Variants in LAMA2 observed in about 807,000 individuals in gnomAD.
The protein encoded by LAMA2 is laminin subunit alpha 2.
LAMA2 carries 269 observed loss-of-function variants against 364.8 expected under a neutral mutation model. The ratio of observed to expected loss-of-function variants is 0.74; its 90% CI spans 0.67 to 0.82. LAMA2 has a LOEUF of 0.82. Among genes scored for constraint, LAMA2 ranks in the 40% least tolerant of loss-of-function variants. LAMA2 has a pLI of 0.00. For missense variants in LAMA2, 3,807 were observed against 3,873.2 expected (o/e 0.98, Z 0.45); for synonymous variants, 1,379 against 1,370.6 (o/e 1.01, Z -0.14).
chr6:129,292,886 T>A, intron 20 of LAMA2: 8 of 985,848 alleles, frequency 8.1e-6, no homozygotes, highest in Non-Finnish European at 9.6e-6. Flanking sequence ...CGCAATGTGA[T>A]ATTACAGGAA....
intron 2 of LAMA2, among the ~76,000 whole-genome samples, chr6:129,051,772 A>T (rs1448449603): frequency 6.6e-6 from 1 of 150,654 alleles, no homozygotes; most frequent in Non-Finnish European, 1.5e-5. Context: ...TATTAGTTTC[A>T]GGTTCATTAG....
chr6:129,246,055 C>T (rs893261866), intron 12 of LAMA2, among the ~76,000 whole-genome samples: 3 of 152,042 alleles, frequency 2.0e-5, no homozygotes, highest in Non-Finnish European at 4.4e-5. Flanking sequence ...GTTTTAACAA[C>T]CTAGCAATTG....
intron 1 of LAMA2, among the ~76,000 whole-genome samples, chr6:128,951,059 G>C (rs2114568044): frequency 6.6e-6 from 1 of 152,220 alleles, no homozygotes; most frequent in Admixed American, 6.5e-5. Context: ...CATAATATTT[G>C]AGAGTCAGCA....
chr6:128,931,796 T>C (rs1214514913), intron 1 of LAMA2, among the ~76,000 whole-genome samples: 1 of 152,238 alleles, frequency 6.6e-6, no homozygotes, highest in African/African-American at 2.4e-5. Context: ...CTTCAGTTTT[T>C]AAACAATTTA....
intron 3 of LAMA2, among the ~76,000 whole-genome samples, chr6:129,092,768 A>G (rs774216818): frequency 6.6e-6 from 1 of 152,184 alleles, no homozygotes; most frequent in African/African-American, 2.4e-5. Context: ...GTCAGGTCCT[A>G]TGAGAAGGAT....
chr6:129,146,973 C>T lies in LAMA2; in HGVS notation c.834C>T (p.Val278=), dbSNP rs372561300. The change falls in exon 6 of 65, where the codon GTC becomes GTT. Residue 278 remains valine (V), a synonymous_variant. Transcript: ENST00000421865. ...GCTTTTTGCAGTATTACTACTCGGTCAAGGATATTTCAGTTGGAGGGATGT... is the reference window on the plus strand; with the variant it reads ...GCTTTTTGCAGTATTACTACTCGGTTAAGGATATTTCAGTTGGAGGGATGT... ...PIVTRRYYYS[V]KDISVGGMCI... 5.0e-6 allele frequency: 8 copies of T among 1,609,414 alleles called. No individual in the cohort carries two copies. In the African/African-American group the frequency reaches 1.1e-4, roughly 22 times the overall value.
At chr6:129,128,302 G>T (rs1327606270) in intron 4 of LAMA2, among the ~76,000 whole-genome samples, 2 of 152,030 alleles carry the variant, frequency 1.3e-5, no homozygotes, top group Non-Finnish European at 2.9e-5. Context: ...AAAATAAATT[G>T]GTTGTACATG....
intron 17 of LAMA2, among the ~76,000 whole-genome samples, chr6:129,273,871 C>G (rs1327277728): frequency 1.3e-5 from 2 of 151,698 alleles, no homozygotes; most frequent in African/African-American, 4.8e-5. Flanking sequence ...AATGTTTTCA[C>G]TTAGAGTAAG....
chr6:129,067,840 C>T (rs1330700662), intron 3 of LAMA2, among the ~76,000 whole-genome samples: 15 of 152,148 alleles, frequency 9.9e-5, no homozygotes, highest in Admixed American at 9.8e-4. Context: ...GTTTCCTCAC[C>T]TCCTTTTGGT....
intron 1 of LAMA2, among the ~76,000 whole-genome samples, chr6:129,031,959 A>G (rs1424056224): frequency 2.0e-5 from 3 of 152,230 alleles, no homozygotes; most frequent in Admixed American, 6.5e-5. Context: ...AGCTGGGATT[A>G]CAGGCATACA....
At chr6:129,469,306 A>G (rs1407317655) in intron 51 of LAMA2, among the ~76,000 whole-genome samples, 2 of 151,982 alleles carry the variant, frequency 1.3e-5, no homozygotes, top group South Asian at 2.1e-4. Flanking sequence ...AATTGGATTC[A>G]ATAATAGTCT....
intron 10 of LAMA2, among the ~76,000 whole-genome samples, chr6:129,185,821 G>T (rs994011394): frequency 5.3e-5 from 8 of 151,768 alleles, no homozygotes; most frequent in Non-Finnish European, 1.2e-4. Flanking sequence ...GACTATTATA[G>T]TTCATATTTC....
rs148079630 is a variant in LAMA2 at position 129,215,621 on chromosome 6, C to A, written c.1782+22768C>A. ...TTATTTATTTATCAGTCAAATAAAT[C>A]TGATTTAATTTTTTAGAACTTAACA... On this transcript the variant is annotated intron_variant, in intron 12 of 64. Coordinates refer to ENST00000421865, the MANE Select transcript of LAMA2 (RefSeq NM_000426.4). Among the ~76,000 whole-genome samples the A allele has an allele frequency of 1.7e-3, 252 of 151,906 alleles. 1 individual carries two copies. The highest frequency in any genetic ancestry group is 6.0e-3 in the African/African-American group (247 of 41,450).
rs569145554 is a variant in LAMA2, at chr6:129,506,853, A to AATTT, written c.8704-635_8704-634insTTTA. 4.6e-5 allele frequency among the ~76,000 whole-genome samples: 7 copies of AATTT among 152,324 alleles called. No individual in the cohort carries two copies. The East Asian group carries it at 1.3e-3, about 29-fold the overall frequency. On this transcript the variant is annotated intron_variant, in intron 61 of 64. Coordinates refer to ENST00000421865, the MANE Select transcript of LAMA2 (RefSeq NM_000426.4). ...TGCTTTTTAGGTCTATCAAAAACTA[A>AATTT]AGTCTCTGAAGTGACACTGGTACAA...
At chr6:129,034,306 A>G (rs112212524) in intron 1 of LAMA2, among the ~76,000 whole-genome samples, 3 of 152,228 alleles carry the variant, frequency 2.0e-5, no homozygotes, top group African/African-American at 7.2e-5. Context: ...GTGATTGGTT[A>G]CAGGTATTTT....
intron 39 of LAMA2, among the ~76,000 whole-genome samples, chr6:129,403,560 C>T (rs1318423330): frequency 1.3e-5 from 2 of 152,118 alleles, no homozygotes; most frequent in Non-Finnish European, 2.9e-5. Flanking sequence ...TGCTAGAGCA[C>T]CTGGTTGCAG....
intron 2 of LAMA2, among the ~76,000 whole-genome samples, chr6:129,050,533 A>G (rs1787926501): frequency 6.6e-6 from 1 of 152,170 alleles, no homozygotes; most frequent in Non-Finnish European, 1.5e-5. Context: ...AAGAGAGAGG[A>G]TGGCCACAAA....
At chr6:129,109,213 G>A (rs80083797) in intron 4 of LAMA2, among the ~76,000 whole-genome samples, 4,367 of 152,128 alleles carry the variant, frequency 0.029, 230 homozygotes, top group African/African-American at 0.1. Flanking sequence ...TGTTGATTCT[G>A]TGTTGGGGGC....
intron 62 of LAMA2, among the ~76,000 whole-genome samples, chr6:129,508,569 A>T (rs1786303397): frequency 6.6e-6 from 1 of 152,102 alleles, no homozygotes; most frequent in Admixed American, 6.6e-5. Flanking sequence ...TATCTCCATG[A>T]GTTGAATTGC....
Sources: gnomAD v4.1 joint callset for allele counts (sites outside exome capture counted in the v4.1 genomes callset) on GRCh38, gnomAD v4.1.1 for gene constraint, MANE v1.5 for transcripts, NCBI Gene and HGNC (gene_info 2026-07-23, HGNC 2026-07-21) for gene names.